The following ELL2 variants were observed in gnomAD, a reference collection of about 807,000 sequenced individuals.
ELL2 encodes the protein RNA polymerase II elongation factor ELL2.
A neutral mutation model predicts 72.8 loss-of-function variants in ELL2; 21 were observed. The ratio of observed to expected loss-of-function variants is 0.29; its 90% CI spans 0.20 to 0.42. The LOEUF (loss-of-function observed/expected upper bound fraction) is 0.42. ELL2 is among the 10% of genes least tolerant of loss of function. ELL2 has a pLI of 1.00. For missense variants in ELL2, 568 were observed against 772.8 expected (o/e 0.73, Z 3.14); for synonymous variants, 266 against 283.2 (o/e 0.94, Z 0.61).
chr5:95,938,495 A>G (rs1056003219), intron 2 of ELL2, among the ~76,000 whole-genome samples: 1 of 152,198 alleles, frequency 6.6e-6, no homozygotes, highest in Non-Finnish European at 1.5e-5. Context: ...AAGCCCAGTC[A>G]GGAGTATTGC....
chr5:95,946,198 C>T (rs1056895163), intron 1 of ELL2, among the ~76,000 whole-genome samples: 3 of 152,010 alleles, frequency 2.0e-5, no homozygotes, highest in South Asian at 4.1e-4. Context: ...GCAGTCCGGG[C>T]GGATGCTTTA....
At chr5:95,910,623 C>T (rs1749552936) in intron 4 of ELL2, among the ~76,000 whole-genome samples, 1 of 152,104 alleles carries the variant, frequency 6.6e-6, no homozygotes, top group Non-Finnish European at 1.5e-5. Flanking sequence ...TATTCCTGGG[C>T]AATGAGGCCA....
chr5:95,927,094 C>T (rs1292336054), intron 2 of ELL2, among the ~76,000 whole-genome samples: 1 of 151,974 alleles, frequency 6.6e-6, no homozygotes, highest in Non-Finnish European at 1.5e-5. Flanking sequence ...CTGTGCTAGG[C>T]ACTGTTTAGG....
intron 4 of ELL2, among the ~76,000 whole-genome samples, chr5:95,907,296 A>ATATATATATATATATATATATTTTTTTTT: frequency 4.3e-5 from 5 of 116,488 alleles, no homozygotes; most frequent in African/African-American, 2.0e-4. Flanking sequence ...ATATATATAT[A>ATATATATATATATATATATATTTTTTTTT]TTTTTTTTTT....
In ELL2 at chr5:95,886,137, A is replaced by G. The variant is rs1748456703; in HGVS notation, c.*2734T>C. On this transcript the variant is annotated 3_prime_UTR_variant, in exon 12 of 12. Coordinates refer to ENST00000237853, the MANE Select transcript of ELL2 (RefSeq NM_012081.6). Reference sequence around the variant, plus strand: ...TCCAAAAAAGAAAAGAAAAAAAACTAGATAAATTCTTCCACCGGAGTAACT... The same window carrying G: ...TCCAAAAAAGAAAAGAAAAAAAACTGGATAAATTCTTCCACCGGAGTAACT... 1 of 152,224 alleles carries G rather than the reference A, an allele frequency of 6.6e-6. No homozygotes were observed. Among genetic ancestry groups the G allele is most frequent in the Non-Finnish European group, 1.5e-5 (1 of 68,032 alleles). The allele number at this position is 152,224 out of a possible 1,614,324, so 9.4% of individuals were successfully genotyped here. A position where few individuals can be genotyped will look rare whatever the true frequency, so the allele number is the denominator to read the frequency against.
Position 95,943,007 on chromosome 5 carries a change from G to A in ELL2, c.190C>T (p.His64Tyr). ...FRPSIQFQGL[H>Y]GLVKIPKNDP... Reference sequence around the variant, plus strand: ...AAATCAATAAGAGTACTCACCCCGTGGAGTCCTTGGAACTGGATTGAAGGT... The same window carrying A: ...AAATCAATAAGAGTACTCACCCCGTAGAGTCCTTGGAACTGGATTGAAGGT... Residue 64 changes from histidine (H) to tyrosine (Y), a missense_variant, in exon 2 of 12, where the codon CAC becomes TAC. Physicochemically the swap from His to Tyr is moderately conservative, Grantham distance 83 (BLOSUM62 2). Transcript: ENST00000237853. 1 of 1,592,596 alleles carries A rather than the reference G, an allele frequency of 6.3e-7. No homozygotes were observed. Among genetic ancestry groups the A allele is most frequent in the Non-Finnish European group, 8.6e-7 (1 of 1,169,258 alleles).
intron 8 of ELL2, 24 bp from the exon 9 acceptor site, chr5:95,895,715 A>G: frequency 6.3e-6 from 10 of 1,594,238 alleles, no homozygotes; most frequent in Non-Finnish European, 8.6e-6. Context: ...AAACAAAATC[A>G]GAGCATTCAT....
chr5:95,905,005 A>G (rs1206457694), intron 5 of ELL2, among the ~76,000 whole-genome samples: 2 of 152,162 alleles, frequency 1.3e-5, no homozygotes, highest in Admixed American at 1.3e-4. Flanking sequence ...TTCAGCTCGT[A>G]TATTAGAATC....
intron 4 of ELL2, among the ~76,000 whole-genome samples, chr5:95,910,453 T>C (rs1749545284): frequency 6.8e-6 from 1 of 147,488 alleles, no homozygotes; most frequent in Non-Finnish European, 1.5e-5. Context: ...TGACGAGTGA[T>C]TTTTTTTTTT....
intron 2 of ELL2, among the ~76,000 whole-genome samples, chr5:95,940,638 T>C (rs1179551330): frequency 1.3e-5 from 2 of 152,228 alleles, no homozygotes; most frequent in African/African-American, 2.4e-5. Flanking sequence ...ATTTCAGTCA[T>C]ATTTGATGTA....
chr5:95,902,924 G>A (rs1049017146), intron 5 of ELL2, among the ~76,000 whole-genome samples: 1 of 146,658 alleles, frequency 6.8e-6, no homozygotes, highest in African/African-American at 2.8e-5. Flanking sequence ...TGGGACTACA[G>A]GTGGACACCA....
chr5:95,939,755 C>G (rs1750903042), intron 2 of ELL2, among the ~76,000 whole-genome samples: 1 of 152,172 alleles, frequency 6.6e-6, no homozygotes, highest in Non-Finnish European at 1.5e-5. Context: ...AGTACCAGAT[C>G]AGTAGATACA....
intron 9 of ELL2, among the ~76,000 whole-genome samples, chr5:95,893,193 C>A (rs1374933637): frequency 6.6e-6 from 1 of 152,148 alleles, no homozygotes; most frequent in Non-Finnish European, 1.5e-5. Flanking sequence ...TTTGGTTACA[C>A]TGGCATTTTT....
intron 2 of ELL2, among the ~76,000 whole-genome samples, chr5:95,922,020 C>A (rs1421902016): frequency 6.6e-6 from 1 of 152,152 alleles, no homozygotes; most frequent in African/African-American, 2.4e-5. Context: ...GCAGTACTTC[C>A]ATACCTATCA....
chr5:95,913,787 G>A lies in ELL2; in HGVS notation c.465C>T (p.Pro155=), dbSNP rs753478797. ...SRNRSTKVIK[P]GGPYVGKRVQ... ...TATACAAACCTACATATGGTCCACC[G>A]GGTTTGATAACTTTTGTGCTTCGGT... Residue 155 remains proline, a synonymous_variant, in exon 4 of 12, where the codon CCC becomes CCT. Transcript: ENST00000237853. 10 of 1,610,226 alleles carry A rather than the reference G, an allele frequency of 6.2e-6. No homozygotes were observed. The highest frequency in any genetic ancestry group is 3.4e-5 in the Admixed American group (2 of 59,342).
At chr5:95,942,672 C>A (rs569534809) in intron 2 of ELL2, among the ~76,000 whole-genome samples, 2 of 152,180 alleles carry the variant, frequency 1.3e-5, no homozygotes, top group Non-Finnish European at 2.9e-5. Flanking sequence ...AATAAATAAT[C>A]CCGTATGGAT....
chr5:95,889,028 G>C, intron 11 of ELL2, 41 bp from the exon 12 acceptor site: 1 of 1,543,176 alleles, frequency 6.5e-7, no homozygotes, highest in Non-Finnish European at 8.8e-7. Flanking sequence ...GAATGAGATT[G>C]CAGAATTTAC....
chr5:95,893,858 T>C (rs1406336140), intron 9 of ELL2, among the ~76,000 whole-genome samples: 1 of 152,220 alleles, frequency 6.6e-6, no homozygotes, highest in East Asian at 1.9e-4. Flanking sequence ...TTTAAATAAA[T>C]TAAGCGAACA....
chr5:95,890,909 G>C, intron 10 of ELL2, 194 bp downstream of exon 10: 1 of 639,860 alleles, frequency 1.6e-6, no homozygotes, highest in Non-Finnish European at 2.7e-6. Flanking sequence ...TTTTCCACTG[G>C]TAGAAATACA....
Sources: allele counts gnomAD v4.1 joint callset (sites outside exome capture counted in the v4.1 genomes callset), GRCh38; gene constraint gnomAD v4.1.1; transcripts MANE v1.5; gene names NCBI Gene and HGNC (gene_info 2026-07-23, HGNC 2026-07-21).